Variants in CPEB2 observed in about 807,000 individuals in gnomAD.
CPEB2 encodes cytoplasmic polyadenylation element-binding protein 2.
CPEB2 carries 56 observed loss-of-function variants against 93.6 expected under a neutral mutation model. The observed-to-expected ratio is 0.60, with a 90% CI of 0.48 to 0.75. The LOEUF (loss-of-function observed/expected upper bound fraction) is 0.75, where lower values mean the gene tolerates loss of function less well. Ranked by LOEUF, CPEB2 falls within the 30% of genes least tolerant of loss-of-function variation. The probability of loss-of-function intolerance (pLI) is 0.00; values close to 1 mark genes in which losing one functional copy is unlikely to be tolerated. For synonymous variants in CPEB2, 764 were observed against 586.3 expected, an observed-to-expected ratio of 1.30 and a Z score of -4.38; for missense variants, 1,579 against 1,395.1, an observed-to-expected ratio of 1.13 and a Z score of -2.10.
At chr4:15,040,091 C>T (rs762257661) in intron 5 of CPEB2, among the ~76,000 whole-genome samples, 22 of 152,158 alleles carry the variant, frequency 1.4e-4, no homozygotes, top group Non-Finnish European at 2.5e-4. Flanking sequence ...AAAAAATAAG[C>T]ATTTAGTTCA....
chr4:15,051,204 TTGAC>T (rs1728189571), intron 6 of CPEB2, among the ~76,000 whole-genome samples: 1 of 152,186 alleles, frequency 6.6e-6, no homozygotes, highest in African/African-American at 2.4e-5. Flanking sequence ...CTTATCCATA[TTGAC>T]TAAGTCTCCC....
intron 1 of CPEB2, chr4:15,006,684 CAATT>C (rs957797676): frequency 3.3e-5 from 5 of 152,036 alleles, no homozygotes; most frequent in African/African-American, 7.2e-5. Flanking sequence ...GAAATAAAAA[CAATT>C]AAGACAAACT....
rs1442929414 is a variant in CPEB2, at chr4:15,003,636, G to A, written c.963G>A (p.Leu321=). Residue 321 remains leucine (L), a synonymous_variant, in exon 1 of 12, where the codon CTG becomes CTA. Transcript: ENST00000538197. Reference sequence around the variant, plus strand: ...CCATGGAGTCCCCCAACCACCCTCTGCTCAACAGTCCCAGTAACCTCCTGC... The same window carrying A: ...CCATGGAGTCCCCCAACCACCCTCTACTCAACAGTCCCAGTAACCTCCTGC... ...PGSMESPNHP[L]LNSPSNLLPG... 4.7e-6 allele frequency: 7 copies of A among 1,481,990 alleles called. No individual in the cohort carries two copies. The highest frequency in any genetic ancestry group is 6.2e-6 in the Non-Finnish European group (7 of 1,120,770). 91.8% of individuals were successfully genotyped at this position (1,481,990 alleles called of 1,614,324 possible).
At chr4:15,035,611 T>C (rs2109035955) in intron 5 of CPEB2, among the ~76,000 whole-genome samples, 2 of 152,310 alleles carry the variant, frequency 1.3e-5, no homozygotes, top group Middle Eastern at 3.4e-3. Context: ...TATTTTAAAC[T>C]ATTTGAAGTA....
In CPEB2 at chr4:15,027,312, A is replaced by G. The variant is rs56265733; in HGVS notation, c.2126-5849A>G. Reference sequence around the variant, plus strand: ...TGATTTGAATGCATTAACTAGATTAATTTCAGTTGAATCTAAAGTAGATTG... The same window carrying G: ...TGATTTGAATGCATTAACTAGATTAGTTTCAGTTGAATCTAAAGTAGATTG... On this transcript the variant is annotated intron_variant, in intron 4 of 11. Coordinates refer to ENST00000538197, the MANE Select transcript of CPEB2 (RefSeq NM_001177382.2). Among the ~76,000 whole-genome samples the G allele has an allele frequency of 2.9e-3, 437 of 152,346 alleles. 4 individuals carry two copies. Among genetic ancestry groups the G allele is most frequent in the African/African-American group, 0.01 (425 of 41,580 alleles).
At chr4:15,031,947 T>A (rs1417507886) in intron 4 of CPEB2, among the ~76,000 whole-genome samples, 1 of 152,134 alleles carries the variant, frequency 6.6e-6, no homozygotes, top group Non-Finnish European at 1.5e-5. Flanking sequence ...GTAGAGGACT[T>A]GCTGAGGTGG....
In CPEB2 at chr4:15,007,558, A is replaced by G. The variant is rs770845100; in HGVS notation, c.1916A>G (p.Asn639Ser). The G allele has an allele frequency of 1.9e-6, 3 of 1,608,896 alleles. No individual in the cohort carries two copies. The highest frequency in any genetic ancestry group is 1.7e-4 in the Middle Eastern group (1 of 6,042). ...WIEDNVFRTD[N>S]NSNTLLPLQV... ...GAAGATAATGTGTTCAGAACAGACA[A>G]CAATAGTAATACACTCTTACCCTTA... is the stretch of plus-strand genomic sequence containing the variant. The change falls in exon 2 of 12, where the codon AAC becomes AGC. Residue 639 changes from asparagine (N) to serine (S), a missense_variant. This residue lies in a region of CPEB2 where 1,411 missense variants were observed against 1,056.0 expected (regional missense o/e 1.34). Transcript: ENST00000538197.
At chr4:15,064,852 A>C (rs150296358) in intron 11 of CPEB2, among the ~76,000 whole-genome samples, 38 of 152,246 alleles carry the variant, frequency 2.5e-4, no homozygotes, top group Non-Finnish European at 4.9e-4. Context: ...ATTAAGCATA[A>C]CAATTTTAAA....
intron 5 of CPEB2, among the ~76,000 whole-genome samples, chr4:15,038,683 G>A (rs942221266): frequency 1.3e-5 from 2 of 151,758 alleles, no homozygotes; most frequent in African/African-American, 4.8e-5. Flanking sequence ...CTGCCTCCAG[G>A]GTTCAAGCAA....
At chr4:15,037,016 T>A (rs1309128627) in intron 5 of CPEB2, among the ~76,000 whole-genome samples, 2 of 152,020 alleles carry the variant, frequency 1.3e-5, no homozygotes, top group Non-Finnish European at 2.9e-5. Context: ...GGACTATCAT[T>A]TAGGGCCCGG....
In CPEB2 at chr4:15,003,770, G is replaced by A. The variant is rs1431914030; in HGVS notation, c.1097G>A (p.Gly366Glu). ...GGCGGGGGGCCCCCAGGAGGCGGAGGGGGAGGCGGCTCCGCGTCGCCGCCG... is the reference window on the plus strand; with the variant it reads ...GGCGGGGGGCCCCCAGGAGGCGGAGAGGGAGGCGGCTCCGCGTCGCCGCCG... Reference protein sequence around the residue: ...GGGGGPPGGGGGGGSASPPPL... With the variant: ...GGGGGPPGGGEGGGSASPPPL... The change falls in exon 1 of 12, where the codon GGG becomes GAG. Residue 366 changes from glycine (G) to glutamate (E), a missense_variant. Gly to Glu is a moderately conservative substitution (Grantham distance 98). Coordinates refer to ENST00000538197, the MANE Select transcript of CPEB2 (RefSeq NM_001177382.2). 1.8e-5 allele frequency: 21 copies of A among 1,189,016 alleles called. No individual in the cohort carries two copies. Among genetic ancestry groups the A allele is most frequent in the Non-Finnish European group, 2.2e-5 (21 of 955,506 alleles). The allele number at this position is 1,189,016 out of a possible 1,614,324, so 73.7% of individuals were successfully genotyped here. A position where few individuals can be genotyped will look rare whatever the true frequency, so the allele number is the denominator to read the frequency against.
rs890404817 is a variant in CPEB2 at position 15,066,497 on chromosome 4, A to C, written c.*117A>C. 5.5e-6 allele frequency: 4 copies of C among 720,996 alleles called. No homozygotes were observed. The highest frequency in any genetic ancestry group is 9.4e-6 in the Non-Finnish European group (4 of 424,798). 44.7% of individuals were successfully genotyped at this position (720,996 alleles called of 1,614,324 possible). A position where few individuals can be genotyped will look rare whatever the true frequency, so the allele number is the denominator to read the frequency against. ...CATTCTTCTGCTTTTCACCCCAGCTATCAATACATGCATCTTTATCAGCAG... is the reference window on the plus strand; with the variant it reads ...CATTCTTCTGCTTTTCACCCCAGCTCTCAATACATGCATCTTTATCAGCAG... On this transcript the variant is annotated 3_prime_UTR_variant, in exon 12 of 12. Transcript: ENST00000538197.
intron 6 of CPEB2, among the ~76,000 whole-genome samples, chr4:15,049,110 T>G (rs1350854071): frequency 1.3e-5 from 2 of 152,116 alleles, no homozygotes; most frequent in Non-Finnish European, 2.9e-5. Flanking sequence ...ATTCTTTGTT[T>G]AGCTGAACTT....
rs763318086 is a variant in CPEB2, at chr4:15,003,841, C to T, written c.1168C>T (p.Pro390Ser). Reference sequence around the variant, plus strand: ...CCCCTGGTCGGTGCAGACCGCGTCGCCGCCACCCCAGCCCCAGCAGCCGCC... The same window carrying T: ...CCCCTGGTCGGTGCAGACCGCGTCGTCGCCACCCCAGCCCCAGCAGCCGCC... ...GTPWSVQTASPPPQPQQPPPT... is the reference protein window; with the variant it reads ...GTPWSVQTASSPPQPQQPPPT... The change falls in exon 1 of 12, where the codon CCG becomes TCG. Residue 390 changes from proline to serine, a missense_variant. Physicochemically the swap from Pro to Ser is moderately conservative, Grantham distance 74. Transcript: ENST00000538197. 3 of 904,396 alleles carry T rather than the reference C, an allele frequency of 3.3e-6. No individual in the cohort carries two copies. The South Asian group carries it at 9.1e-5, about 28-fold the overall frequency. The allele number at this position is 904,396 out of a possible 1,614,324, so 56.0% of individuals were successfully genotyped here.
chr4:15,065,943 G>A (rs1182660336), intron 11 of CPEB2, among the ~76,000 whole-genome samples: 1 of 152,066 alleles, frequency 6.6e-6, no homozygotes, highest in Non-Finnish European at 1.5e-5. Context: ...ATTCAAGAAA[G>A]GTGAGAGTGG....
chr4:15,060,695 C>T (rs1170052340), intron 10 of CPEB2, among the ~76,000 whole-genome samples: 1 of 152,068 alleles, frequency 6.6e-6, no homozygotes. Flanking sequence ...ATAGAAATTT[C>T]AATTAAACCA....
rs994987575 is a variant in CPEB2, at chr4:15,067,763, T to C, written c.*1383T>C. 6.6e-6 allele frequency: 1 copy of C among 152,488 alleles called. No individual in the cohort carries two copies. The highest frequency in any genetic ancestry group is 2.4e-5 in the African/African-American group (1 of 41,444). 9.4% of individuals were successfully genotyped at this position (152,488 alleles called of 1,614,324 possible). ...GTGAAATCTGGCTTGAACTTGCTTA[T>C]GTGTTTAACCTATAAATATTGGGGT... On this transcript the variant is annotated 3_prime_UTR_variant, in exon 12 of 12. Transcript: ENST00000538197.
chr4:15,053,051 C>G (rs1728383677), intron 7 of CPEB2, among the ~76,000 whole-genome samples: 1 of 151,270 alleles, frequency 6.6e-6, no homozygotes. Context: ...GAGTCTCGCT[C>G]TGTCTTCCAG....
intron 3 of CPEB2, among the ~76,000 whole-genome samples, chr4:15,011,343 C>T (rs1313271813): frequency 1.3e-5 from 2 of 151,964 alleles, no homozygotes; most frequent in Non-Finnish European, 1.5e-5. Flanking sequence ...TCATGTAATC[C>T]GCCCGCCTCG....
Sources: allele counts gnomAD v4.1 joint callset (sites outside exome capture counted in the v4.1 genomes callset), GRCh38; gene constraint gnomAD v4.1.1; regional missense constraint gnomAD v4.1.1; transcripts MANE v1.5; gene names NCBI Gene and HGNC (gene_info 2026-07-23, HGNC 2026-07-21).